Variants in DSG3 observed in about 807,000 individuals in gnomAD.
DSG3 encodes the protein desmoglein 3, also known as desmoglein-3.
DSG3 carries 63 observed loss-of-function variants against 85.9 expected under a neutral mutation model. The ratio of observed to expected loss-of-function variants is 0.73; its 90% CI spans 0.60 to 0.90. The LOEUF (loss-of-function observed/expected upper bound fraction) is 0.90. Among genes scored for constraint, DSG3 ranks in the 40% least tolerant of loss-of-function variants. The probability of loss-of-function intolerance (pLI) is 0.00; values close to 1 mark genes in which losing one functional copy is unlikely to be tolerated. For synonymous variants in DSG3, 447 were observed against 441.9 expected (o/e 1.01, Z -0.14); for missense variants, 1,220 against 1,219.9 (o/e 1.00, Z 0.00).
chr18:31,461,833 G>C (rs2072788405), intron 8 of DSG3, among the ~76,000 whole-genome samples: 1 of 152,212 alleles, frequency 6.6e-6, no homozygotes, highest in South Asian at 2.1e-4. Flanking sequence ...GTTTTAAATG[G>C]ATTAGCTACA....
Position 31,461,417 on chromosome 18 carries a change from G to A in DSG3, c.999+5G>A, listed in dbSNP as rs767813378. The A allele has an allele frequency of 6.2e-7, 1 of 1,605,280 alleles. No homozygotes were observed. Among genetic ancestry groups the A allele is most frequent in the South Asian group, 1.1e-5 (1 of 89,192 alleles). On this transcript the variant is annotated splice_donor_5th_base_variant and intron_variant, in intron 8 of 15. Transcript: ENST00000257189. Reference sequence around the variant, plus strand: ...GGCATCCTGAAAGTGGTGAAGGTAAGGTCTGACTTCCCTTCATTGGTAAAA... The same window carrying A: ...GGCATCCTGAAAGTGGTGAAGGTAAAGTCTGACTTCCCTTCATTGGTAAAA...
At chr18:31,461,608 A>G (rs985270202) in intron 8 of DSG3, among the ~76,000 whole-genome samples, 196 bp downstream of exon 8, 2 of 152,218 alleles carry the variant, frequency 1.3e-5, no homozygotes, top group Admixed American at 6.5e-5. Flanking sequence ...ACTCATTCCA[A>G]GCTATTGAAC....
At chr18:31,463,703 C>T (rs186228506) in intron 8 of DSG3, among the ~76,000 whole-genome samples, 82 of 152,290 alleles carry the variant, frequency 5.4e-4, no homozygotes, top group African/African-American at 1.9e-3. Flanking sequence ...GTCCTCACTA[C>T]ACCCTGATGA....
rs745590272 is a variant in DSG3, at chr18:31,461,378, C to G, written c.965C>G (p.Pro322Arg). The G allele has an allele frequency of 6.2e-7, 1 of 1,613,474 alleles. No homozygotes were observed. The highest frequency in any genetic ancestry group is 1.1e-5 in the South Asian group (1 of 90,948). The change falls in exon 8 of 16, where the codon CCT becomes CGT. Residue 322 changes from proline to arginine, a missense_variant. Coordinates refer to ENST00000257189, the MANE Select transcript of DSG3 (RefSeq NM_001944.3). Reference protein sequence around the residue: ...EGNWFEIQTDPRTNEGILKVV... With the variant: ...EGNWFEIQTDRRTNEGILKVV... ...AATTGGTTTGAAATACAAACTGATCCTAGAACTAATGAAGGCATCCTGAAA... is the reference window on the plus strand; with the variant it reads ...AATTGGTTTGAAATACAAACTGATCGTAGAACTAATGAAGGCATCCTGAAA...
chr18:31,461,132 T>A, intron 7 of DSG3, 95 bp from the exon 8 acceptor site: 6 of 1,270,414 alleles, frequency 4.7e-6, no homozygotes, highest in Non-Finnish European at 6.4e-6. Flanking sequence ...AGGAAATACA[T>A]AATTTGAGAA....
intron 6 of DSG3, 91 bp downstream of exon 6, chr18:31,460,102 A>G (rs755343239): frequency 1.6e-4 from 219 of 1,391,750 alleles, no homozygotes; most frequent in Non-Finnish European, 1.9e-4. Flanking sequence ...CCGAAAATTA[A>G]AAAAGAAAAG....
rs1425992293 is a variant in DSG3, at chr18:31,472,345, T to A, written c.1959T>A (p.Gly653=). ...CGAGSTGGVT[G]GFIPVPDGSE... Reference sequence around the variant, plus strand: ...CAGGTTCTACTGGGGGAGTGACAGGTGGTTTTATCCCAGTTCCTGATGGCT... The same window carrying A: ...CAGGTTCTACTGGGGGAGTGACAGGAGGTTTTATCCCAGTTCCTGATGGCT... Residue 653 remains glycine (G), a synonymous_variant, in exon 13 of 16, where the codon GGT becomes GGA. Transcript: ENST00000257189. 6.2e-6 allele frequency: 10 copies of A among 1,614,134 alleles called. No individual in the cohort carries two copies. Among genetic ancestry groups the A allele is most frequent in the Non-Finnish European group, 6.8e-6 (8 of 1,179,998 alleles).
intron 4 of DSG3, 37 bp downstream of exon 4, chr18:31,458,637 C>T: frequency 3.8e-6 from 6 of 1,587,884 alleles, no homozygotes; most frequent in South Asian, 1.1e-5. Context: ...TACCCTTCTC[C>T]TTGTATACCA....
At position 31,475,927 on chromosome 18, in the gene DSG3, A is replaced by G. The variant is rs1241611124; in HGVS notation, c.2667A>G (p.Glu889=). The change falls in exon 16 of 16, where the codon GAA becomes GAG. Residue 889 remains glutamate (E), a synonymous_variant. Coordinates refer to ENST00000257189, the MANE Select transcript of DSG3 (RefSeq NM_001944.3). The stretch of plus-strand genomic sequence containing the variant: ...TTGAATCCTGTGGCCATCCCATAGA[A>G]GTCCAGCAGACAGGATTTGTTAAGT... ...YGIESCGHPI[E]VQQTGFVKCQ... 1 of 1,614,216 alleles carries G rather than the reference A, an allele frequency of 6.2e-7. No individual in the cohort carries two copies. Among genetic ancestry groups the G allele is most frequent in the Admixed American group, 1.7e-5 (1 of 60,024 alleles).
intron 1 of DSG3, among the ~76,000 whole-genome samples, chr18:31,449,400 C>A (rs1377127762): frequency 6.6e-6 from 1 of 152,128 alleles, no homozygotes; most frequent in Non-Finnish European, 1.5e-5. Context: ...AGGGGCCATG[C>A]AGCATGGGCT....
chr18:31,475,544 A>G, intron 15 of DSG3, 102 bp from the exon 16 acceptor site: 1 of 1,359,842 alleles, frequency 7.4e-7, no homozygotes, highest in Non-Finnish European at 1.0e-6. Flanking sequence ...TGGATTACCT[A>G]GTTTGGGCAT....
chr18:31,466,390 T>C (rs1275286595), intron 10 of DSG3, 140 bp from the exon 11 acceptor site: 2 of 714,088 alleles, frequency 2.8e-6, no homozygotes, highest in African/African-American at 1.8e-5. Flanking sequence ...AGGATGACTA[T>C]TTTTACTTCT....
intron 15 of DSG3, 76 bp downstream of exon 15, chr18:31,474,480 G>C: frequency 6.8e-7 from 1 of 1,479,446 alleles, no homozygotes; most frequent in Non-Finnish European, 9.1e-7. Flanking sequence ...ATATACTTCA[G>C]TTTTGCAGTT....
At chr18:31,462,090 T>C (rs2072790088) in intron 8 of DSG3, among the ~76,000 whole-genome samples, 2 of 150,948 alleles carry the variant, frequency 1.3e-5, no homozygotes, top group South Asian at 4.2e-4. Flanking sequence ...TTGTTTTTTT[T>C]GAGACAAGGT....
chr18:31,457,003 A>G lies in DSG3; in HGVS notation c.95A>G (p.Gln32Arg), dbSNP rs576824801. Residue 32 changes from glutamine to arginine, a missense_variant, in exon 3 of 16, where the codon CAA becomes CGA. Physicochemically the swap from Gln to Arg is conservative, Grantham distance 43 (BLOSUM62 1). Coordinates refer to ENST00000257189, the MANE Select transcript of DSG3 (RefSeq NM_001944.3). Reference protein sequence around the residue: ...HGELRIETKGQYDEEEMTMQQ... With the variant: ...HGELRIETKGRYDEEEMTMQQ... The stretch of plus-strand genomic sequence containing the variant: ...CCCTTTTTACATAAGACTAAAGGTC[A>G]ATATGATGAAGAAGAGATGACTATG... 3.7e-6 allele frequency: 6 copies of G among 1,608,410 alleles called. No homozygotes were observed. Among genetic ancestry groups the G allele is most frequent in the Non-Finnish European group, 5.1e-6 (6 of 1,178,336 alleles).
intron 3 of DSG3, among the ~76,000 whole-genome samples, chr18:31,457,585 C>CTTTCTTCTTTCT (rs1555666278): frequency 1.4e-3 from 86 of 61,168 alleles, no homozygotes; most frequent in Middle Eastern, 8.3e-3. Flanking sequence ...TTCTTTCTTT[C>CTTTCTTCTTTCT]TTCTTTCTTT....
chr18:31,476,310 A>C lies in DSG3; in HGVS notation c.*50A>C. ...TGACCAAATCTGGATCTTTGGACTA[A>C]AGTATTCAAAATAGCATAGCAAAGC... On this transcript the variant is annotated 3_prime_UTR_variant, in exon 16 of 16. Coordinates refer to ENST00000257189, the MANE Select transcript of DSG3 (RefSeq NM_001944.3). 1 of 1,546,788 alleles carries C rather than the reference A, an allele frequency of 6.5e-7. No homozygotes were observed. The highest frequency in any genetic ancestry group is 2.3e-5 in the East Asian group (1 of 44,358).
At chr18:31,449,910 T>C (rs183518792) in intron 1 of DSG3, among the ~76,000 whole-genome samples, 2 of 152,308 alleles carry the variant, frequency 1.3e-5, no homozygotes, top group Non-Finnish European at 2.9e-5. Context: ...ATATAAAATA[T>C]ACATCATAAT....
chr18:31,447,948 A>T, intron 1 of DSG3, 23 bp downstream of exon 1: 1 of 1,532,296 alleles, frequency 6.5e-7, no homozygotes. Flanking sequence ...TTTTCCTAAT[A>T]ATCACAAACT....
Sources: allele counts gnomAD v4.1 joint callset (sites outside exome capture counted in the v4.1 genomes callset), GRCh38; gene constraint gnomAD v4.1.1; transcripts MANE v1.5; gene names NCBI Gene and HGNC (gene_info 2026-07-23, HGNC 2026-07-21).